DPYD: variants seen among roughly 807,000 people sequenced by gnomAD.
The protein encoded by DPYD is dihydropyrimidine dehydrogenase [NADP(+)].
DPYD carries 109 observed loss-of-function variants against 116.2 expected under a neutral mutation model. That is an observed-to-expected ratio of 0.94 (90% CI 0.80 to 1.10). The LOEUF is 1.10. DPYD is among the 50% of genes least tolerant of loss of function. The pLI, the probability that DPYD is intolerant of heterozygous loss-of-function variation, is 0.00. For missense variants in DPYD, 1,302 were observed against 1,254.5 expected, an observed-to-expected ratio of 1.04 and a Z score of -0.57; for synonymous variants, 440 against 432.0, an observed-to-expected ratio of 1.02 and a Z score of -0.23.
At chr1:97,180,844 A>C (rs1354786032) in intron 20 of DPYD, among the ~76,000 whole-genome samples, 4 of 152,184 alleles carry the variant, frequency 2.6e-5, no homozygotes, top group African/African-American at 2.4e-5. Flanking sequence ...GAAATGGGGA[A>C]TCATAATCTG....
chr1:97,472,946 C>A (rs1677742401), intron 13 of DPYD, among the ~76,000 whole-genome samples: 1 of 152,156 alleles, frequency 6.6e-6, no homozygotes, highest in Non-Finnish European at 1.5e-5. Flanking sequence ...ACACAGCCAT[C>A]ACCTCACATA....
intron 18 of DPYD, among the ~76,000 whole-genome samples, chr1:97,246,057 G>T (rs996734984): frequency 6.6e-6 from 1 of 152,054 alleles, no homozygotes; most frequent in Non-Finnish European, 1.5e-5. Flanking sequence ...GTGTGGACAA[G>T]GACATCTCTA....
At chr1:97,224,980 T>C (rs537720534) in intron 19 of DPYD, among the ~76,000 whole-genome samples, 1 of 150,654 alleles carries the variant, frequency 6.6e-6, no homozygotes, top group South Asian at 2.1e-4. Context: ...GGAGTACAGA[T>C]CTATCTAACT....
intron 5 of DPYD, among the ~76,000 whole-genome samples, chr1:97,709,183 T>C (rs1662149022): frequency 6.6e-6 from 1 of 152,012 alleles, no homozygotes; most frequent in Non-Finnish European, 1.5e-5. Flanking sequence ...ACAAATATTG[T>C]ATCACTTGGA....
At chr1:97,718,827 A>G (rs906543789) in intron 5 of DPYD, among the ~76,000 whole-genome samples, 4 of 151,894 alleles carry the variant, frequency 2.6e-5, no homozygotes, top group African/African-American at 9.7e-5. Flanking sequence ...TAAATAATAT[A>G]TAATTCTTTC....
chr1:97,593,488 G>T, intron 9 of DPYD, 101 bp from the exon 10 acceptor site: 1 of 1,391,142 alleles, frequency 7.2e-7, no homozygotes, highest in South Asian at 1.2e-5. Flanking sequence ...ATTGCATCTT[G>T]CAGTTTTCCA....
At chr1:97,805,262 C>T (rs965262634) in intron 3 of DPYD, among the ~76,000 whole-genome samples, 6 of 151,742 alleles carry the variant, frequency 4.0e-5, no homozygotes, top group Non-Finnish European at 8.8e-5. Context: ...GGGCAGAGAA[C>T]ACAGACTTGA....
chr1:97,408,019 G>A (rs1281893500), intron 14 of DPYD, among the ~76,000 whole-genome samples: 4 of 152,100 alleles, frequency 2.6e-5, no homozygotes, highest in African/African-American at 9.7e-5. Context: ...ACTCCACAAC[G>A]GAGATAAGGA....
At chr1:97,347,157 T>C (rs991384535) in intron 16 of DPYD, among the ~76,000 whole-genome samples, 5 of 151,912 alleles carry the variant, frequency 3.3e-5, no homozygotes, top group African/African-American at 1.2e-4. Flanking sequence ...TAGTACAATG[T>C]AGAATGAATA....
At chr1:97,232,678 T>A (rs371624922) in intron 19 of DPYD, among the ~76,000 whole-genome samples, 2 of 152,140 alleles carry the variant, frequency 1.3e-5, no homozygotes, top group East Asian at 3.8e-4. Flanking sequence ...TTTTCTTCTG[T>A]TCTCTTATTT....
At chr1:97,212,669 G>A (rs113589535) in intron 19 of DPYD, among the ~76,000 whole-genome samples, 5,879 of 152,054 alleles carry the variant, frequency 0.039, 168 homozygotes, top group Non-Finnish European at 0.056. Flanking sequence ...CAGTTGCACC[G>A]TTTTATATTC....
At chr1:97,857,372 A>C (rs1217664147) in intron 2 of DPYD, among the ~76,000 whole-genome samples, 3 of 152,218 alleles carry the variant, frequency 2.0e-5, no homozygotes, top group Admixed American at 6.5e-5. Context: ...CATCAGGATA[A>C]GGCTGGTTAC....
At chr1:97,427,447 G>A (rs1363622612) in intron 14 of DPYD, among the ~76,000 whole-genome samples, 1 of 151,928 alleles carries the variant, frequency 6.6e-6, no homozygotes, top group African/African-American at 2.4e-5. Flanking sequence ...GTCTGTTGTA[G>A]GAAATTACTA....
chr1:97,277,840 A>G (rs1665050086), intron 18 of DPYD, among the ~76,000 whole-genome samples: 1 of 152,190 alleles, frequency 6.6e-6, no homozygotes, highest in African/African-American at 2.4e-5. Flanking sequence ...TACCTTAACA[A>G]TTAGAATAAA....
chr1:97,912,159 A>G (rs1027733098), intron 1 of DPYD, among the ~76,000 whole-genome samples: 12 of 152,076 alleles, frequency 7.9e-5, no homozygotes, highest in Admixed American at 6.6e-5. Context: ...TTTTTAAAAC[A>G]TATTTTTAAA....
intron 13 of DPYD, among the ~76,000 whole-genome samples, chr1:97,508,047 C>T (rs1181878923): frequency 1.3e-5 from 2 of 152,008 alleles, no homozygotes; most frequent in African/African-American, 4.8e-5. Flanking sequence ...ATCTGCCAGA[C>T]ATTGTTCTTG....
intron 18 of DPYD, among the ~76,000 whole-genome samples, chr1:97,292,352 C>G (rs1666249387): frequency 6.6e-6 from 1 of 152,118 alleles, no homozygotes; most frequent in African/African-American, 2.4e-5. Context: ...ACAATCATGT[C>G]AGAACGGGAA....
intron 13 of DPYD, among the ~76,000 whole-genome samples, chr1:97,498,565 T>C (rs899554409): frequency 4.0e-5 from 6 of 151,562 alleles, no homozygotes; most frequent in African/African-American, 1.2e-4. Flanking sequence ...TCTCAACAGA[T>C]AATTGCATAA....
chr1:97,740,180 C>A (rs952743009), intron 4 of DPYD, among the ~76,000 whole-genome samples: 1 of 151,936 alleles, frequency 6.6e-6, no homozygotes, highest in African/African-American at 2.4e-5. Context: ...AACTAATTTT[C>A]AAAACAAAAA....
Sources: gnomAD v4.1 joint callset for allele counts (sites outside exome capture counted in the v4.1 genomes callset) on GRCh38, gnomAD v4.1.1 for gene constraint, MANE v1.5 for transcripts, NCBI Gene and HGNC (gene_info 2026-07-23, HGNC 2026-07-21) for gene names.